Variants in CDH4 observed in about 807,000 individuals in gnomAD.
CDH4 encodes the protein cadherin 4.
CDH4 carries 33 observed loss-of-function variants against 86.0 expected under a neutral mutation model. That is an observed-to-expected ratio of 0.38 (90% CI 0.29 to 0.51). The LOEUF (loss-of-function observed/expected upper bound fraction) is 0.51, where lower values mean the gene tolerates loss of function less well. Among genes scored for constraint, CDH4 ranks in the 20% least tolerant of loss-of-function variants. The pLI is 0.86. For missense variants in CDH4, 1,114 were observed against 1,307.4 expected (o/e 0.85, Z 2.28); for synonymous variants, 555 against 549.4 (o/e 1.01, Z -0.14).
chr20:61,902,511 T>C lies in CDH4; in HGVS notation c.1188+7464T>C, dbSNP rs543360359. ...GGATTTGCAGGCAAATGAGCGGCCG[T>C]TGACACAGGGACAGGCACACCTTTT... On this transcript the variant is annotated intron_variant, in intron 8 of 15. Coordinates refer to ENST00000614565, the MANE Select transcript of CDH4 (RefSeq NM_001794.5). This position sits in a 1 kb window ranked among gnomAD's most constrained non-coding sequence, Gnocchi z 4.6. Among the ~76,000 whole-genome samples the C allele has an allele frequency of 2.6e-4, 39 of 152,320 alleles. No homozygotes were observed. The highest frequency in any genetic ancestry group is 6.8e-3 in the Middle Eastern group (2 of 294).
intron 2 of CDH4, among the ~76,000 whole-genome samples, chr20:61,654,234 C>T (rs1044526127): frequency 1.3e-5 from 2 of 152,208 alleles, no homozygotes; most frequent in African/African-American, 2.4e-5. Flanking sequence ...ACCAGCCCGG[C>T]CAACACAGCG....
At chr20:61,365,804 C>A (rs961536331) in intron 2 of CDH4, among the ~76,000 whole-genome samples, 1 of 152,068 alleles carries the variant, frequency 6.6e-6, no homozygotes, top group African/African-American at 2.4e-5. Context: ...CCTTTGAGAA[C>A]GCTCAGATCA....
intron 4 of CDH4, among the ~76,000 whole-genome samples, chr20:61,835,807 G>A (rs905357360): frequency 2.6e-5 from 4 of 152,180 alleles, no homozygotes; most frequent in Non-Finnish European, 5.9e-5. Flanking sequence ...TGTGGCTGAG[G>A]CCCAGCCCTG....
At chr20:61,661,251 C>A (rs1023956910) in intron 2 of CDH4, among the ~76,000 whole-genome samples, 8 of 152,186 alleles carry the variant, frequency 5.3e-5, no homozygotes, top group African/African-American at 1.9e-4. Context: ...AGGCCAGCAC[C>A]CCCCAGGCTC....
chr20:61,913,807 G>A (rs576703291), intron 9 of CDH4, among the ~76,000 whole-genome samples: 1 of 152,320 alleles, frequency 6.6e-6, no homozygotes, highest in Non-Finnish European at 1.5e-5. Context: ...TGGAGGCAGA[G>A]AGGAGGTGCT....
chr20:61,635,583 G>A (rs190399846), intron 2 of CDH4, among the ~76,000 whole-genome samples: 2 of 152,332 alleles, frequency 1.3e-5, no homozygotes, highest in East Asian at 1.9e-4. Context: ...GAAGGACAGG[G>A]CACAAGGGAA....
chr20:61,934,001 G>T, intron 14 of CDH4, 55 bp from the exon 15 acceptor site: 1 of 1,591,694 alleles, frequency 6.3e-7, no homozygotes, highest in Non-Finnish European at 8.6e-7. Context: ...CAGGGTGGAA[G>T]GGGGGCTGGC....
intron 2 of CDH4, among the ~76,000 whole-genome samples, chr20:61,521,477 A>G (rs1600727138): frequency 6.6e-6 from 1 of 152,324 alleles, no homozygotes; most frequent in Middle Eastern, 3.4e-3. Context: ...CTCCGTGAAC[A>G]AGCAGCAGTG....
At chr20:61,604,128 A>G (rs1006791314) in intron 2 of CDH4, among the ~76,000 whole-genome samples, 5 of 152,238 alleles carry the variant, frequency 3.3e-5, no homozygotes, top group African/African-American at 1.2e-4. Flanking sequence ...CTCCCAGTCC[A>G]AAGTGCTGAT....
Position 61,771,121 on chromosome 20 carries a change from C to T in CDH4, c.397-1882C>T, listed in dbSNP as rs1323024676. Reference sequence around the variant, plus strand: ...CACCTCCCGGGTTCAAGTGATTCTCCGGTGTCAGCCTCCTAAGTAACTGGG... The same window carrying T: ...CACCTCCCGGGTTCAAGTGATTCTCTGGTGTCAGCCTCCTAAGTAACTGGG... On this transcript the variant is annotated intron_variant, in intron 3 of 15. Coordinates refer to ENST00000614565, the MANE Select transcript of CDH4 (RefSeq NM_001794.5). 4.6e-5 allele frequency among the ~76,000 whole-genome samples: 7 copies of T among 150,878 alleles called. No homozygotes were observed. In the South Asian group the frequency reaches 1.3e-3, roughly 27 times the overall value.
At chr20:61,486,335 T>C (rs1476855004) in intron 2 of CDH4, among the ~76,000 whole-genome samples, 1 of 152,208 alleles carries the variant, frequency 6.6e-6, no homozygotes, top group African/African-American at 2.4e-5. Flanking sequence ...GGGTGGGGGC[T>C]GTGCATGACT....
At chr20:61,866,948 T>G (rs1348630046) in intron 6 of CDH4, among the ~76,000 whole-genome samples, 5 of 152,194 alleles carry the variant, frequency 3.3e-5, no homozygotes, top group Admixed American at 3.3e-4. Flanking sequence ...AAGAGGGGCC[T>G]CCCAAAGAGG....
chr20:61,718,772 C>A, intron 2 of CDH4: 2 of 470,190 alleles, frequency 4.3e-6, no homozygotes, highest in South Asian at 3.1e-5. Context: ...TACACCCCTG[C>A]ACACACACAC....
At chr20:61,486,477 T>C (rs1308660340) in intron 2 of CDH4, among the ~76,000 whole-genome samples, 1 of 152,224 alleles carries the variant, frequency 6.6e-6, no homozygotes, top group Non-Finnish European at 1.5e-5. Flanking sequence ...TGGCTGTAGC[T>C]CTGAACGCTC....
chr20:61,466,879 T>G (rs1191324858), intron 2 of CDH4, among the ~76,000 whole-genome samples: 1 of 131,348 alleles, frequency 7.6e-6, no homozygotes, highest in Non-Finnish European at 1.5e-5. Context: ...TAATCAGTCC[T>G]CTCCTTGCAA....
intron 4 of CDH4, among the ~76,000 whole-genome samples, chr20:61,815,357 T>G (rs922788554): frequency 1.3e-5 from 2 of 152,234 alleles, no homozygotes; most frequent in Non-Finnish European, 2.9e-5. Flanking sequence ...ACGAAGGATT[T>G]GCCCAGGCTT....
chr20:61,898,235 C>T (rs1302286598), intron 8 of CDH4, among the ~76,000 whole-genome samples: 1 of 152,242 alleles, frequency 6.6e-6, no homozygotes, highest in Non-Finnish European at 1.5e-5. Flanking sequence ...CTATTTTTAC[C>T]AAGCCTAATC....
intron 2 of CDH4, among the ~76,000 whole-genome samples, chr20:61,560,597 T>C (rs1174932959): frequency 6.6e-6 from 1 of 152,126 alleles, no homozygotes; most frequent in African/African-American, 2.4e-5. Flanking sequence ...TCCAGCGCCT[T>C]CATGTGGAAG....
chr20:61,552,579 A>T (rs554745811), intron 2 of CDH4, among the ~76,000 whole-genome samples: 1 of 152,310 alleles, frequency 6.6e-6, no homozygotes, highest in African/African-American at 2.4e-5. Flanking sequence ...ACATACCTGT[A>T]ATCCCAACTA....
Sources: gnomAD v4.1 joint callset for allele counts (sites outside exome capture counted in the v4.1 genomes callset) on GRCh38, gnomAD v4.1.1 for gene constraint, Gnocchi (gnomAD v3.1) non-coding constraint, MANE v1.5 for transcripts, NCBI Gene and HGNC (gene_info 2026-07-23, HGNC 2026-07-21) for gene names.